CACNA2D3: variants seen among roughly 807,000 people sequenced by gnomAD.
CACNA2D3 encodes voltage-dependent calcium channel subunit alpha-2/delta-3.
In CACNA2D3, 60 loss-of-function variants were observed where a neutral mutation model predicts 160.6. That is an observed-to-expected ratio of 0.37 (90% CI 0.30 to 0.46). The LOEUF is 0.46. CACNA2D3 is among the 20% of genes least tolerant of loss of function. CACNA2D3 has a pLI of 1.00. For synonymous variants in CACNA2D3, 558 were observed against 492.9 expected (o/e 1.13, Z -1.75); for missense variants, 1,205 against 1,365.0 (o/e 0.88, Z 1.85).
intron 5 of CACNA2D3, among the ~76,000 whole-genome samples, chr3:54,523,012 AT>A (rs1701671218): frequency 6.6e-6 from 1 of 152,086 alleles, no homozygotes; most frequent in African/African-American, 2.4e-5. Context: ...AACTTCCAGT[AT>A]AGTGACAGTT....
chr3:54,634,128 G>T (rs1699308343), intron 10 of CACNA2D3, among the ~76,000 whole-genome samples: 1 of 152,132 alleles, frequency 6.6e-6, no homozygotes, highest in Non-Finnish European at 1.5e-5. Context: ...TCTTTAATTT[G>T]AATGCTTTAT....
At chr3:54,942,172 G>T (rs1425939072) in intron 27 of CACNA2D3, among the ~76,000 whole-genome samples, 2 of 152,232 alleles carry the variant, frequency 1.3e-5, no homozygotes, top group African/African-American at 4.8e-5. Context: ...TTCTGCAACA[G>T]GGCAGTGATA....
chr3:54,204,089 T>C (rs1039881995), intron 2 of CACNA2D3, among the ~76,000 whole-genome samples: 1 of 151,940 alleles, frequency 6.6e-6, no homozygotes, highest in African/African-American at 2.4e-5. Flanking sequence ...CTGAGACATC[T>C]CATACCATTT....
chr3:54,618,374 T>TATATATTCACACAC, intron 9 of CACNA2D3, among the ~76,000 whole-genome samples: 1 of 54,586 alleles, frequency 1.8e-5, no homozygotes, highest in Non-Finnish European at 3.1e-5. Flanking sequence ...TATATATATA[T>TATATATTCACACAC]GCACACACAC....
intron 10 of CACNA2D3, among the ~76,000 whole-genome samples, chr3:54,641,582 G>A (rs1699521617): frequency 6.6e-6 from 1 of 152,172 alleles, no homozygotes; most frequent in Admixed American, 6.5e-5. Context: ...ATCCCCCACA[G>A]GAGAAGACTT....
intron 4 of CACNA2D3, among the ~76,000 whole-genome samples, chr3:54,471,891 A>C (rs1700738798): frequency 6.6e-6 from 1 of 152,158 alleles, no homozygotes; most frequent in Admixed American, 6.5e-5. Context: ...ACAAGTTCTG[A>C]AATTGAGGCA....
intron 13 of CACNA2D3, among the ~76,000 whole-genome samples, chr3:54,767,496 G>A (rs1368302794): frequency 1.3e-5 from 2 of 152,072 alleles, no homozygotes; most frequent in Non-Finnish European, 2.9e-5. Context: ...TATGGGATTA[G>A]ACTTGATTGG....
At chr3:54,635,026 G>A (rs539283469) in intron 10 of CACNA2D3, among the ~76,000 whole-genome samples, 1 of 151,970 alleles carries the variant, frequency 6.6e-6, no homozygotes, top group Non-Finnish European at 1.5e-5. Context: ...AGAGAGAGTG[G>A]ACGATGTTTC....
chr3:54,157,419 G>T (rs1700263166), intron 2 of CACNA2D3, among the ~76,000 whole-genome samples: 1 of 152,180 alleles, frequency 6.6e-6, no homozygotes, highest in South Asian at 2.1e-4. Context: ...GAGGTCTCCA[G>T]CCCCTGTGCT....
intron 2 of CACNA2D3, among the ~76,000 whole-genome samples, chr3:54,263,713 T>A (rs2107442227): frequency 6.6e-6 from 1 of 152,234 alleles, no homozygotes; most frequent in African/African-American, 2.4e-5. Context: ...ACCTTTGGTG[T>A]GGTGGATTCT....
intron 2 of CACNA2D3, among the ~76,000 whole-genome samples, chr3:54,148,688 C>G (rs554577611): frequency 6.6e-6 from 1 of 152,236 alleles, no homozygotes; most frequent in African/African-American, 2.4e-5. Flanking sequence ...CTTAAGAAGA[C>G]AGCTCGGGCC....
intron 2 of CACNA2D3, among the ~76,000 whole-genome samples, chr3:54,158,669 T>C (rs1576967164): frequency 6.6e-6 from 1 of 152,236 alleles, no homozygotes; most frequent in Admixed American, 6.5e-5. Flanking sequence ...TGCTTGTTTT[T>C]CTGTGTTGTT....
At chr3:54,912,729 A>G (rs1366449029) in intron 27 of CACNA2D3, among the ~76,000 whole-genome samples, 1 of 151,868 alleles carries the variant, frequency 6.6e-6, no homozygotes, top group East Asian at 1.9e-4. Flanking sequence ...TATGATTTGT[A>G]TTTCTTTATC....
At chr3:54,764,797 T>G (rs1702187255) in intron 13 of CACNA2D3, among the ~76,000 whole-genome samples, 1 of 152,172 alleles carries the variant, frequency 6.6e-6, no homozygotes, top group African/African-American at 2.4e-5. Context: ...ACAGTTGCAT[T>G]TTCTTCCCAT....
At chr3:54,508,751 C>T (rs1701411458) in intron 5 of CACNA2D3, among the ~76,000 whole-genome samples, 1 of 152,178 alleles carries the variant, frequency 6.6e-6, no homozygotes, top group African/African-American at 2.4e-5. Flanking sequence ...CTCTAGACTT[C>T]CCCAGCAGGG....
chr3:54,816,795 T>G, intron 13 of CACNA2D3, 58 bp from the exon 14 acceptor site: 2 of 1,585,064 alleles, frequency 1.3e-6, no homozygotes, highest in Non-Finnish European at 1.7e-6. Flanking sequence ...TTACCATTAA[T>G]TACTTATATA....
intron 4 of CACNA2D3, among the ~76,000 whole-genome samples, chr3:54,454,284 A>C (rs747837983): frequency 2.2e-4 from 34 of 152,198 alleles, no homozygotes; most frequent in Middle Eastern, 3.2e-3. Flanking sequence ...GAATTTTGAC[A>C]GATGCATTCC....
At chr3:54,809,705 C>T (rs555134484) in intron 13 of CACNA2D3, among the ~76,000 whole-genome samples, 1 of 151,614 alleles carries the variant, frequency 6.6e-6, no homozygotes, top group East Asian at 2.0e-4. Flanking sequence ...CCTTCCCTTT[C>T]CTCCTTCCTC....
intron 11 of CACNA2D3, among the ~76,000 whole-genome samples, chr3:54,654,302 G>A (rs953845105): frequency 1.3e-5 from 2 of 152,136 alleles, no homozygotes; most frequent in Admixed American, 1.3e-4. Context: ...GGGTTAGGGT[G>A]CCCTCCGGGG....
Sources: gnomAD v4.1 joint callset for allele counts (sites outside exome capture counted in the v4.1 genomes callset) on GRCh38, gnomAD v4.1.1 for gene constraint, MANE v1.5 for transcripts, NCBI Gene and HGNC (gene_info 2026-07-23, HGNC 2026-07-21) for gene names.